DEAF1: variants seen among roughly 807,000 people sequenced by gnomAD.
The protein encoded by DEAF1 is DEAF1 transcription factor, also known as deformed epidermal autoregulatory factor 1 homolog.
Under a neutral mutation model 58.9 loss-of-function variants are expected in DEAF1, and 53 were observed. The observed-to-expected ratio is 0.90, with a 90% CI of 0.72 to 1.13. The LOEUF is 1.13. Ranked by LOEUF, DEAF1 falls within the 50% of genes most tolerant of loss-of-function variation. The probability of loss-of-function intolerance (pLI) is 0.00; values close to 1 mark genes in which losing one functional copy is unlikely to be tolerated. For missense variants in DEAF1, 685 were observed against 791.4 expected (o/e 0.87, Z 1.61); for synonymous variants, 385 against 340.4 (o/e 1.13, Z -1.44).
intron 10 of DEAF1, chr11:666,093 AC>A (rs1261766887): frequency 6.6e-6 from 1 of 152,160 alleles, no homozygotes; most frequent in Non-Finnish European, 1.5e-5. Context: ...AGGCTTAAAA[AC>A]ACCACGGACT....
At chr11:674,812 A>G (rs1564940356) in intron 9 of DEAF1, 29 bp from the exon 10 acceptor site, 1 of 1,606,198 alleles carries the variant, frequency 6.2e-7, no homozygotes, top group South Asian at 1.1e-5. Context: ...AAAACAAACC[A>G]AGAAATTAAT....
At chr11:669,115 G>A (rs1317199052) in intron 10 of DEAF1, among the ~76,000 whole-genome samples, 2 of 140,032 alleles carry the variant, frequency 1.4e-5, no homozygotes, top group Non-Finnish European at 3.0e-5. Context: ...GTAAGCCACT[G>A]CACCCGACCC....
At chr11:659,839 A>T (rs901036092) in intron 10 of DEAF1, among the ~76,000 whole-genome samples, 1 of 152,224 alleles carries the variant, frequency 6.6e-6, no homozygotes, top group Non-Finnish European at 1.5e-5. Context: ...GCAGGAAGCC[A>T]GCGGTAGATG....
At chr11:658,337 G>A (rs1177470812) in intron 10 of DEAF1, among the ~76,000 whole-genome samples, 2 of 152,188 alleles carry the variant, frequency 1.3e-5, no homozygotes, top group East Asian at 3.9e-4. Context: ...GCTAAGGCAG[G>A]AGAATGGCAT....
chr11:649,204 T>C (rs1033803147), intron 11 of DEAF1, among the ~76,000 whole-genome samples: 3 of 152,024 alleles, frequency 2.0e-5, no homozygotes, highest in Admixed American at 6.6e-5. Context: ...TGAGCCGAGA[T>C]TGCGCCACTG....
At chr11:672,577 T>A (rs1486972306) in intron 10 of DEAF1, among the ~76,000 whole-genome samples, 2 of 152,200 alleles carry the variant, frequency 1.3e-5, no homozygotes, top group African/African-American at 4.8e-5. Flanking sequence ...CCGGGCAAGG[T>A]GGCTCATGCC....
At chr11:663,311 G>A (rs559035600) in intron 10 of DEAF1, among the ~76,000 whole-genome samples, 43 of 152,338 alleles carry the variant, frequency 2.8e-4, no homozygotes, top group South Asian at 1.5e-3. Flanking sequence ...AGCCAGACGT[G>A]GTGGCGCGTG....
intron 10 of DEAF1, among the ~76,000 whole-genome samples, chr11:671,727 A>G (rs1859831891): frequency 6.6e-6 from 1 of 151,090 alleles, no homozygotes; most frequent in South Asian, 2.1e-4. Context: ...AAAAATAAAA[A>G]AATAAATTAG....
chr11:700,428 G>C (rs553683868), intron 1 of DEAF1, among the ~76,000 whole-genome samples: 2 of 151,960 alleles, frequency 1.3e-5, no homozygotes, highest in Admixed American at 1.3e-4. Context: ...TCGGGAGACT[G>C]AGGTGGGAGG....
At chr11:676,507 A>G (rs1860087548) in intron 9 of DEAF1, among the ~76,000 whole-genome samples, 1 of 151,152 alleles carries the variant, frequency 6.6e-6, no homozygotes, top group South Asian at 2.1e-4. Flanking sequence ...CGCCGTGGAC[A>G]ATGACCAGGG....
chr11:646,755 G>C (rs1403496431), intron 11 of DEAF1, among the ~76,000 whole-genome samples: 1 of 149,578 alleles, frequency 6.7e-6, no homozygotes, highest in Non-Finnish European at 1.5e-5. Flanking sequence ...AAACACTTTT[G>C]AAAAAAAAAT....
At chr11:695,848 T>C, upstream of DEAF1, 1 of 1,228,436 alleles carries the variant, frequency 8.1e-7, no homozygotes, top group Non-Finnish European at 1.0e-6. Context: ...CGCGGCGAGG[T>C]GAGCTCGGGC....
rs748733207 is a variant in DEAF1 at position 694,975 on chromosome 11, C to G, written c.73G>C (p.Val25Leu). ...EAAAVAAAAAVAAAAAAAAGG... is the reference protein window; with the variant it reads ...EAAAVAAAAALAAAAAAAAGG... ...GCCGCGGCCGCGGCCGCCGCCGCCA[C>G]AGCGGCCGCGGCCGCCACCGCCGCC... Residue 25 changes from valine (V) to leucine (L), a missense_variant, in exon 1 of 12, where the codon GTG becomes CTG. Val to Leu is a conservative substitution (Grantham distance 32). This residue lies in a region of DEAF1 where 210 missense variants were observed against 177.3 expected (regional missense o/e 1.18). Transcript: ENST00000382409. 1 of 1,168,462 alleles carries G rather than the reference C, an allele frequency of 8.6e-7. No individual in the cohort carries two copies. The highest frequency in any genetic ancestry group is 1.6e-5 in the African/African-American group (1 of 60,830). 72.4% of individuals were successfully genotyped at this position (1,168,462 alleles called of 1,614,324 possible).
chr11:704,063 C>A (rs1176079893), intron 1 of DEAF1: 1 of 1,142,362 alleles, frequency 8.8e-7, no homozygotes, highest in Non-Finnish European at 1.1e-6. Flanking sequence ...AATAATTACA[C>A]CCAAATATCT....
rs1859836023 is a variant in DEAF1, at chr11:671,821, C to T, written c.1503+2715G>A. Among the ~76,000 whole-genome samples, 4 of 103,244 alleles carry T rather than the reference C, an allele frequency of 3.9e-5. No homozygotes were observed. In the South Asian group the frequency reaches 1.2e-3, roughly 30 times the overall value. 67.7% of individuals were successfully genotyped at this position (103,244 alleles called of 152,430 possible). A position where few individuals can be genotyped will look rare whatever the true frequency, so the allele number is the denominator to read the frequency against. On this transcript the variant is annotated intron_variant, in intron 10 of 11. Transcript: ENST00000382409. ...GCCTAGGCAACAGAGTGAGACCTTACCTCTTAAAAAAAAAAAAAAAAAAAA... is the reference window on the plus strand; with the variant it reads ...GCCTAGGCAACAGAGTGAGACCTTATCTCTTAAAAAAAAAAAAAAAAAAAA...
intron 10 of DEAF1, among the ~76,000 whole-genome samples, chr11:659,662 G>C (rs1019378193): frequency 6.6e-6 from 1 of 152,182 alleles, no homozygotes; most frequent in African/African-American, 2.4e-5. Flanking sequence ...AGTTGGCCTC[G>C]GGGTTCAGAG....
intron 1 of DEAF1, chr11:703,326 C>G (rs567904646): frequency 7.1e-7 from 1 of 1,410,102 alleles, no homozygotes; most frequent in East Asian, 2.6e-5. Context: ...CAGGGCAGAA[C>G]AAACTGCTGG....
At chr11:704,680 C>T (rs1382402457) in intron 1 of DEAF1, 2 of 1,280,486 alleles carry the variant, frequency 1.6e-6, no homozygotes, top group Middle Eastern at 2.1e-4. Flanking sequence ...AGCGAGCACA[C>T]AAAGGCAGTG....
chr11:687,659 C>T (rs1051325513), intron 4 of DEAF1, among the ~76,000 whole-genome samples: 1 of 152,154 alleles, frequency 6.6e-6, no homozygotes, highest in African/African-American at 2.4e-5. Context: ...CACCACGCTC[C>T]ACTAATTTTT....
Sources: allele counts gnomAD v4.1 joint callset (sites outside exome capture counted in the v4.1 genomes callset), GRCh38; gene constraint gnomAD v4.1.1; regional missense constraint gnomAD v4.1.1; transcripts MANE v1.5; gene names NCBI Gene and HGNC (gene_info 2026-07-23, HGNC 2026-07-21).